DNAJC24: variants seen among roughly 807,000 people sequenced by gnomAD.
DNAJC24 encodes the protein dnaJ homolog subfamily C member 24.
Under a neutral mutation model 18.0 loss-of-function variants are expected in DNAJC24, and 17 were observed. The observed-to-expected ratio is 0.94, with a 90% CI of 0.65 to 1.42. DNAJC24 has a LOEUF of 1.42. Ranked by LOEUF, DNAJC24 falls within the 40% of genes most tolerant of loss-of-function variation. The probability of loss-of-function intolerance (pLI) is 0.00; values close to 1 mark genes in which losing one functional copy is unlikely to be tolerated. For synonymous variants in DNAJC24, 55 were observed against 57.7 expected, an observed-to-expected ratio of 0.95 and a Z score of 0.21; for missense variants, 158 against 175.6, an observed-to-expected ratio of 0.90 and a Z score of 0.57.
At chr11:31,426,423 C>T in intron 4 of DNAJC24, 68 bp downstream of exon 4, 2 of 864,826 alleles carry the variant, frequency 2.3e-6, no homozygotes, top group Non-Finnish European at 3.6e-6. Context: ...AAAAAAAACT[C>T]ATTGGATATT....
chr11:31,416,502 A>T (rs927487580), intron 3 of DNAJC24: 1 of 152,152 alleles, frequency 6.6e-6, no homozygotes, highest in African/African-American at 2.4e-5. Context: ...GCACATCTTT[A>T]CTAGTCTCTA....
intron 2 of DNAJC24, among the ~76,000 whole-genome samples, chr11:31,398,618 G>A (rs892765926): frequency 1.3e-5 from 2 of 152,164 alleles, no homozygotes; most frequent in Non-Finnish European, 2.9e-5. Flanking sequence ...CTCATATCTT[G>A]TTTACTGTTT....
intron 3 of DNAJC24, among the ~76,000 whole-genome samples, chr11:31,420,263 T>A (rs1952791001): frequency 6.6e-6 from 1 of 152,024 alleles, no homozygotes; most frequent in African/African-American, 2.4e-5. Context: ...CTGTTCTGAT[T>A]CTTATTCTTT....
intron 2 of DNAJC24, among the ~76,000 whole-genome samples, chr11:31,410,188 T>G (rs1459908372): frequency 1.3e-5 from 2 of 152,158 alleles, no homozygotes; most frequent in Non-Finnish European, 2.9e-5. Flanking sequence ...ACCCAGCCAG[T>G]CATTTTTATT....
intron 3 of DNAJC24, among the ~76,000 whole-genome samples, chr11:31,417,922 TAAAG>T (rs1397305747): frequency 6.6e-6 from 1 of 152,052 alleles, no homozygotes; most frequent in East Asian, 1.9e-4. Flanking sequence ...TTCTTTCCAA[TAAAG>T]AAAAAGTAAT....
chr11:31,407,841 A>C (rs1277459202), intron 2 of DNAJC24, among the ~76,000 whole-genome samples: 1 of 151,386 alleles, frequency 6.6e-6, no homozygotes, highest in Non-Finnish European at 1.5e-5. Context: ...TTTCTGTGCT[A>C]AATTTATCAG....
chr11:31,400,794 A>G (rs1330230884), intron 2 of DNAJC24, among the ~76,000 whole-genome samples: 1 of 152,218 alleles, frequency 6.6e-6, no homozygotes, highest in Non-Finnish European at 1.5e-5. Flanking sequence ...AACCTAGGCA[A>G]TACCGTTAAG....
chr11:31,394,323 T>G (rs1952525381), intron 2 of DNAJC24, among the ~76,000 whole-genome samples: 1 of 152,210 alleles, frequency 6.6e-6, no homozygotes, highest in Non-Finnish European at 1.5e-5. Flanking sequence ...GCTGGGAATA[T>G]GCATGTCAAG....
At chr11:31,386,920 A>C (rs1952435937) in intron 2 of DNAJC24, among the ~76,000 whole-genome samples, 1 of 152,096 alleles carries the variant, frequency 6.6e-6, no homozygotes, top group African/African-American at 2.4e-5. Context: ...CTGACTGAAG[A>C]GTCTGTAGGC....
At chr11:31,370,936 C>T in intron 2 of DNAJC24, 77 bp downstream of exon 2, 1 of 856,212 alleles carries the variant, frequency 1.2e-6, no homozygotes, top group South Asian at 1.8e-5. Context: ...ATTTAGGTTT[C>T]CAGAAAATAG....
chr11:31,427,657 A>G (rs1952875647), intron 4 of DNAJC24: 1 of 152,038 alleles, frequency 6.6e-6, no homozygotes, highest in African/African-American at 2.4e-5. Context: ...CTCCTTATCT[A>G]TTGGTATGTA....
intron 3 of DNAJC24, chr11:31,415,215 CAT>C: frequency 5.9e-6 from 2 of 336,300 alleles, no homozygotes; most frequent in Non-Finnish European, 1.1e-5. Context: ...TTTAATTACA[CAT>C]TACTAACTAA....
At chr11:31,383,131 C>T (rs2133471947) in intron 2 of DNAJC24, among the ~76,000 whole-genome samples, 1 of 152,178 alleles carries the variant, frequency 6.6e-6, no homozygotes, top group Admixed American at 6.5e-5. Flanking sequence ...TGTTAACCCA[C>T]CTGGAGGTCA....
intron 2 of DNAJC24, among the ~76,000 whole-genome samples, chr11:31,400,462 A>G (rs893179880): frequency 1.3e-5 from 2 of 152,186 alleles, no homozygotes. Context: ...GTATCACGCT[A>G]CCTGACTTCA....
intron 2 of DNAJC24, among the ~76,000 whole-genome samples, chr11:31,412,916 TA>T (rs1952721687): frequency 6.6e-6 from 1 of 152,196 alleles, no homozygotes; most frequent in South Asian, 2.1e-4. Context: ...AATCTATTTT[TA>T]AAATAGTCTG....
chr11:31,427,594 G>T (rs1364694624), intron 4 of DNAJC24: 1 of 151,646 alleles, frequency 6.6e-6, no homozygotes, highest in Non-Finnish European at 1.5e-5. Context: ...TTTATTTTTT[G>T]CCAAATACAC....
At chr11:31,383,595 A>C (rs752740715) in intron 2 of DNAJC24, among the ~76,000 whole-genome samples, 2 of 152,212 alleles carry the variant, frequency 1.3e-5, no homozygotes, top group Non-Finnish European at 2.9e-5. Flanking sequence ...AACTGTTCTT[A>C]CTTTGTAAGT....
chr11:31,378,742 G>GAC (rs1377682303), intron 2 of DNAJC24, among the ~76,000 whole-genome samples: 4 of 151,946 alleles, frequency 2.6e-5, no homozygotes, highest in African/African-American at 9.7e-5. Flanking sequence ...TAAAGGTACA[G>GAC]ACTAGTGAAA....
chr11:31,425,594 C>T (rs1304475100), intron 3 of DNAJC24, among the ~76,000 whole-genome samples: 3 of 152,056 alleles, frequency 2.0e-5, no homozygotes, highest in Non-Finnish European at 2.9e-5. Flanking sequence ...TGTGTGGGTG[C>T]GTGTGGAAAG....
Sources: allele counts gnomAD v4.1 joint callset (sites outside exome capture counted in the v4.1 genomes callset), GRCh38; gene constraint gnomAD v4.1.1; transcripts MANE v1.5; gene names NCBI Gene and HGNC (gene_info 2026-07-23, HGNC 2026-07-21).